Variants in RNF144A observed in about 807,000 individuals in gnomAD.
The protein encoded by RNF144A is ring finger protein 144A, also known as E3 ubiquitin-protein ligase RNF144A.
A neutral mutation model predicts 38.7 loss-of-function variants in RNF144A; 11 were observed. That is an observed-to-expected ratio of 0.28 (90% CI 0.18 to 0.47). RNF144A has a LOEUF of 0.47. Among genes scored for constraint, RNF144A ranks in the 20% least tolerant of loss-of-function variants. The pLI is 0.99. For synonymous variants in RNF144A, 149 were observed against 143.9 expected (o/e 1.04, Z -0.25); for missense variants, 316 against 377.2 (o/e 0.84, Z 1.34).
intron 1 of RNF144A, among the ~76,000 whole-genome samples, chr2:6,933,996 T>C (rs1665383857): frequency 6.6e-6 from 1 of 152,168 alleles, no homozygotes; most frequent in South Asian, 2.1e-4. Context: ...CGCATGAAAT[T>C]TTTTTTCACC....
chr2:7,058,905 TCTC>T (rs891054911), intron 6 of RNF144A, among the ~76,000 whole-genome samples: 11 of 152,170 alleles, frequency 7.2e-5, no homozygotes, highest in African/African-American at 2.7e-4. Flanking sequence ...ATGCTCCCCT[TCTC>T]CTGCATCACC....
In RNF144A at chr2:6,999,418, C is replaced by T. The variant is rs544491979; in HGVS notation, c.135+2357C>T. On this transcript the variant is annotated intron_variant, in intron 3 of 8. Coordinates refer to ENST00000320892, the MANE Select transcript of RNF144A (RefSeq NM_014746.6). ...TGGGGAGGAGCCCTGAGTCTGTGGC[C>T]AGAGGAGTTGCAACTGTCCTTTTTT... Among the ~76,000 whole-genome samples, 3 of 152,192 alleles carry T rather than the reference C, an allele frequency of 2.0e-5. No individual in the cohort carries two copies. The South Asian group carries it at 6.2e-4, about 32-fold the overall frequency.
At chr2:7,034,954 TAGGG>T (rs1240414728) in intron 8 of RNF144A, among the ~76,000 whole-genome samples, 1 of 152,076 alleles carries the variant, frequency 6.6e-6, no homozygotes, top group East Asian at 1.9e-4. Flanking sequence ...TGTATGGCAC[TAGGG>T]AGCCAGAGAA....
At chr2:7,046,338 A>G (rs1030513116), downstream of RNF144A, among the ~76,000 whole-genome samples, 13 of 152,206 alleles carry the variant, frequency 8.5e-5, no homozygotes, top group African/African-American at 3.1e-4. Flanking sequence ...GATGAAGCCA[A>G]CATCGAATGG....
chr2:6,936,117 G>A (rs752684114), intron 1 of RNF144A, among the ~76,000 whole-genome samples: 7 of 152,228 alleles, frequency 4.6e-5, no homozygotes, highest in Non-Finnish European at 1.0e-4. Context: ...GTGCAGAGCA[G>A]TGAGCATGTT....
intron 2 of RNF144A, among the ~76,000 whole-genome samples, chr2:6,971,341 G>T (rs776197552): frequency 6.6e-6 from 1 of 152,202 alleles, no homozygotes; most frequent in Non-Finnish European, 1.5e-5. Context: ...TGGCCAGGGT[G>T]TGGGGTCCCA....
intron 6 of RNF144A, among the ~76,000 whole-genome samples, chr2:7,062,377 A>G (rs1467797767): frequency 6.6e-6 from 1 of 152,056 alleles, no homozygotes; most frequent in Non-Finnish European, 1.5e-5. Flanking sequence ...GTACAGAGTT[A>G]AAAATGAAGT....
intron 2 of RNF144A, among the ~76,000 whole-genome samples, chr2:6,957,201 C>A (rs1667062246): frequency 6.6e-6 from 1 of 152,148 alleles, no homozygotes; most frequent in African/African-American, 2.4e-5. Flanking sequence ...TTCTCTGTCC[C>A]ACGTGCTTGC....
the RNF144A span, among the ~76,000 whole-genome samples, chr2:7,075,234 CA>C: frequency 6.6e-6 from 1 of 152,028 alleles, no homozygotes; most frequent in African/African-American, 2.4e-5. Context: ...ATTTCTATCT[CA>C]TGATTAATGG....
chr2:6,988,238 T>A (rs557778493), intron 2 of RNF144A, among the ~76,000 whole-genome samples: 1 of 152,358 alleles, frequency 6.6e-6, no homozygotes, highest in East Asian at 1.9e-4. Context: ...CAGCTTCTCC[T>A]GTTAACGTCT....
intron 8 of RNF144A, among the ~76,000 whole-genome samples, chr2:7,038,706 G>A (rs999089685): frequency 1.3e-5 from 2 of 152,116 alleles, no homozygotes; most frequent in African/African-American, 4.8e-5. Context: ...GAGTGGGTGG[G>A]TGGGTAGATG....
intron 8 of RNF144A, 49 bp from the exon 9 acceptor site, chr2:7,039,580 C>T (rs2103461711): frequency 1.2e-6 from 2 of 1,602,772 alleles, no homozygotes; most frequent in Non-Finnish European, 1.7e-6. Flanking sequence ...AGCTCTGGAA[C>T]CTACAGACCA....
At chr2:6,995,311 G>T (rs943887806) in intron 2 of RNF144A, among the ~76,000 whole-genome samples, 2 of 152,148 alleles carry the variant, frequency 1.3e-5, no homozygotes, top group Non-Finnish European at 2.9e-5. Flanking sequence ...GGCATCGTCA[G>T]ATTCCCTGTC....
intron 2 of RNF144A, among the ~76,000 whole-genome samples, chr2:6,948,028 G>C (rs2103308848): frequency 6.6e-6 from 1 of 152,348 alleles, no homozygotes; most frequent in South Asian, 2.1e-4. Context: ...GCCCAATCTA[G>C]GTCCCGAGGG....
intron 6 of RNF144A, among the ~76,000 whole-genome samples, chr2:7,021,436 T>C (rs1268819511): frequency 1.3e-5 from 2 of 152,120 alleles, no homozygotes. Flanking sequence ...GTGTGACCCC[T>C]GTGCCCTGTT....
At position 7,041,527 on chromosome 2, in the gene RNF144A, C is replaced by T; in HGVS notation, c.*1767C>T. 1 of 986,078 alleles carries T rather than the reference C, an allele frequency of 1.0e-6. No homozygotes were observed. The highest frequency in any genetic ancestry group is 1.2e-6 in the Non-Finnish European group (1 of 829,958). 61.1% of individuals were successfully genotyped at this position (986,078 alleles called of 1,614,324 possible). A position where few individuals can be genotyped will look rare whatever the true frequency, so the allele number is the denominator to read the frequency against. On this transcript the variant is annotated 3_prime_UTR_variant, in exon 9 of 9. Coordinates refer to ENST00000320892, the MANE Select transcript of RNF144A (RefSeq NM_014746.6). ...ACTCCCTTTCTGGATGGAACCTGGG[C>T]TGTGGCTCTCTGTCGTTTGTGGTGC...
At chr2:7,014,311 A>G in intron 3 of RNF144A, 143 bp from the exon 4 acceptor site, 2 of 657,312 alleles carry the variant, frequency 3.0e-6, no homozygotes, top group South Asian at 3.6e-5. Context: ...AAAACCTCAA[A>G]TGTGTTGGTT....
chr2:6,961,669 C>T (rs1328410206), intron 2 of RNF144A, among the ~76,000 whole-genome samples: 2 of 152,214 alleles, frequency 1.3e-5, no homozygotes, highest in South Asian at 4.1e-4. Flanking sequence ...GCCTTCATGT[C>T]TGGCACATGA....
intron 1 of RNF144A, among the ~76,000 whole-genome samples, chr2:6,927,614 G>A (rs1349573298): frequency 1.3e-5 from 2 of 152,244 alleles, no homozygotes; most frequent in African/African-American, 4.8e-5. Flanking sequence ...GTCCTCTGCG[G>A]TAGCTACTGG....
Sources: gnomAD v4.1 joint callset for allele counts (sites outside exome capture counted in the v4.1 genomes callset) on GRCh38, gnomAD v4.1.1 for gene constraint, MANE v1.5 for transcripts, NCBI Gene and HGNC (gene_info 2026-07-23, HGNC 2026-07-21) for gene names.